RICTOR: variants seen among roughly 807,000 people sequenced by gnomAD.
The protein encoded by RICTOR is RPTOR independent companion of MTOR complex 2, also known as rapamycin-insensitive companion of mTOR.
A neutral mutation model predicts 214.9 loss-of-function variants in RICTOR; 49 were observed. That is an observed-to-expected ratio of 0.23 (90% CI 0.18 to 0.29). The LOEUF (loss-of-function observed/expected upper bound fraction) is 0.29. Among genes scored for constraint, RICTOR ranks in the 10% least tolerant of loss-of-function variants. The pLI is 1.00. For synonymous variants in RICTOR, 717 were observed against 711.3 expected (o/e 1.01, Z -0.13); for missense variants, 1,625 against 2,047.0 (o/e 0.79, Z 3.98).
At chr5:39,051,550 C>A (rs1161149385) in intron 2 of RICTOR, among the ~76,000 whole-genome samples, 1 of 152,008 alleles carries the variant, frequency 6.6e-6, no homozygotes, top group Non-Finnish European at 1.5e-5. Flanking sequence ...GAGTTGGAGA[C>A]CAGGCTGGCC....
rs538774274 is a variant in RICTOR at position 38,965,444 on chromosome 5, T to C, written c.1300-552A>G. 3.3e-4 allele frequency among the ~76,000 whole-genome samples: 50 copies of C among 152,062 alleles called. No homozygotes were observed. The Middle Eastern group carries it at 0.01, about 31-fold the overall frequency. ...AAGTACATCGATCAAATGTGGAAGA[T>C]AGAAAATGTAAGAATAATAAGCAAA... is the stretch of plus-strand genomic sequence containing the variant. On this transcript the variant is annotated intron_variant, in intron 15 of 37. Transcript: ENST00000357387.
At chr5:38,988,477 G>C (rs1318053303) in intron 7 of RICTOR, among the ~76,000 whole-genome samples, 1 of 152,024 alleles carries the variant, frequency 6.6e-6, no homozygotes, top group Non-Finnish European at 1.5e-5. Context: ...GATCTTTGCT[G>C]GCTTAAAGTC....
rs539368411 is a variant in RICTOR at position 39,028,484 on chromosome 5, G to A, written c.98-7348C>T. ...GGCGTGAGCCACCGCGCCCGGCCTG[G>A]AATTCTTACACACTGTTGGAGGAGC... On this transcript the variant is annotated intron_variant, in intron 2 of 37. Coordinates refer to ENST00000357387, the MANE Select transcript of RICTOR (RefSeq NM_152756.5). Among the ~76,000 whole-genome samples the A allele has an allele frequency of 3.2e-3, 488 of 152,150 alleles. 2 individuals are homozygous for A. Among genetic ancestry groups the A allele is most frequent in the Non-Finnish European group, 4.8e-3 (325 of 67,988 alleles).
At chr5:39,025,964 T>C (rs970598286) in intron 2 of RICTOR, among the ~76,000 whole-genome samples, 1 of 152,168 alleles carries the variant, frequency 6.6e-6, no homozygotes, top group Non-Finnish European at 1.5e-5. Flanking sequence ...GAGATTGACA[T>C]GATTTTTATA....
intron 2 of RICTOR, among the ~76,000 whole-genome samples, chr5:39,034,687 G>C (rs149210985): frequency 6.6e-6 from 1 of 152,348 alleles, no homozygotes; most frequent in East Asian, 1.9e-4. Context: ...CTGGCTCAGC[G>C]GGTCCTACGC....
intron 2 of RICTOR, among the ~76,000 whole-genome samples, chr5:39,034,773 C>T (rs959451881): frequency 9.2e-5 from 14 of 152,114 alleles, no homozygotes; most frequent in Non-Finnish European, 1.9e-4. Context: ...GGGGGAGGGG[C>T]GCCCGCCATT....
chr5:38,961,365 T>C (rs754500907), intron 19 of RICTOR, among the ~76,000 whole-genome samples: 1 of 152,178 alleles, frequency 6.6e-6, no homozygotes, highest in Non-Finnish European at 1.5e-5. Flanking sequence ...AGATAATAAT[T>C]GTAAGATACT....
chr5:38,953,628 C>T (rs1748984807), intron 27 of RICTOR, 75 bp from the exon 28 acceptor site: 2 of 468,280 alleles, frequency 4.3e-6, no homozygotes, highest in Admixed American at 3.7e-5. Flanking sequence ...CATCATAAAA[C>T]CAGTATAACG....
intron 6 of RICTOR, among the ~76,000 whole-genome samples, chr5:38,992,925 A>G (rs1752891946): frequency 6.6e-6 from 1 of 152,230 alleles, no homozygotes; most frequent in South Asian, 2.1e-4. Context: ...AAGGAATTAG[A>G]GAAGCACTGA....
Position 38,990,904 on chromosome 5 carries a change from C to T in RICTOR, c.583+45G>A, listed in dbSNP as rs1157644761. 3 of 1,301,032 alleles carry T rather than the reference C, an allele frequency of 2.3e-6. No individual in the cohort carries two copies. The African/African-American group carries it at 4.5e-5, about 19-fold the overall frequency. 80.6% of individuals were successfully genotyped at this position (1,301,032 alleles called of 1,614,324 possible). ...TATATATATCTCAAATGTTATATAT[C>T]CTTTCTAAAATATTACATTTTCATT... On this transcript the variant is annotated intron_variant, in intron 7 of 37. Coordinates refer to ENST00000357387, the MANE Select transcript of RICTOR (RefSeq NM_152756.5).
chr5:38,990,704 G>GATATATCATAT (rs370197935), intron 7 of RICTOR, among the ~76,000 whole-genome samples: 1 of 45,234 alleles, frequency 2.2e-5, no homozygotes, highest in Non-Finnish European at 4.7e-5. Context: ...ATATATATCA[G>GATATATCATAT]ATATGATATA....
intron 30 of RICTOR, among the ~76,000 whole-genome samples, 185 bp downstream of exon 30, chr5:38,952,011 A>C (rs1419826378): frequency 6.6e-6 from 1 of 152,032 alleles, no homozygotes; most frequent in African/African-American, 2.4e-5. Flanking sequence ...AGGAGAGAGA[A>C]AAATGTAAGC....
At chr5:39,028,632 T>C (rs1345104450) in intron 2 of RICTOR, among the ~76,000 whole-genome samples, 1 of 152,240 alleles carries the variant, frequency 6.6e-6, no homozygotes, top group Non-Finnish European at 1.5e-5. Context: ...AGAATATTTA[T>C]AGCAGCCTTA....
chr5:38,963,275 A>C (rs1242903342), intron 16 of RICTOR, among the ~76,000 whole-genome samples: 3 of 152,006 alleles, frequency 2.0e-5, no homozygotes, highest in African/African-American at 7.2e-5. Context: ...CTTTTCTTCT[A>C]TGGTGGTAGG....
intron 2 of RICTOR, among the ~76,000 whole-genome samples, chr5:39,060,357 G>GT (rs1453121842): frequency 6.6e-6 from 1 of 151,782 alleles, no homozygotes; most frequent in Non-Finnish European, 1.5e-5. Flanking sequence ...ATATATTAGC[G>GT]TAAGTCCACA....
chr5:38,962,174 A>G (rs1749848402), intron 19 of RICTOR, 141 bp downstream of exon 19: 1 of 367,246 alleles, frequency 2.7e-6, no homozygotes, highest in African/African-American at 2.5e-5. Flanking sequence ...CTATATTAAA[A>G]ATATATATGA....
intron 2 of RICTOR, 83 bp from the exon 3 acceptor site, chr5:39,021,219 T>A (rs1312919815): frequency 1.2e-6 from 1 of 800,594 alleles, no homozygotes; most frequent in African/African-American, 1.7e-5. Flanking sequence ...TATTAAAACT[T>A]CACAACTTTG....
chr5:39,013,848 A>G (rs551637642), intron 3 of RICTOR, among the ~76,000 whole-genome samples: 1 of 152,248 alleles, frequency 6.6e-6, no homozygotes, highest in South Asian at 2.1e-4. Flanking sequence ...ACACATACAC[A>G]TTTATATACA....
At chr5:39,073,560 T>C (rs1393144113) in intron 2 of RICTOR, among the ~76,000 whole-genome samples, 1 of 152,120 alleles carries the variant, frequency 6.6e-6, no homozygotes, top group East Asian at 1.9e-4. Flanking sequence ...TTAGCAGTAA[T>C]GACCAGTTCT....
Sources: gnomAD v4.1 joint callset for allele counts (sites outside exome capture counted in the v4.1 genomes callset) on GRCh38, gnomAD v4.1.1 for gene constraint, MANE v1.5 for transcripts, NCBI Gene and HGNC (gene_info 2026-07-23, HGNC 2026-07-21) for gene names.